The following RERE variants were observed in gnomAD, a reference collection of about 807,000 sequenced individuals.
The protein encoded by RERE is arginine-glutamic acid dipeptide repeats protein.
Under a neutral mutation model 146.1 loss-of-function variants are expected in RERE, and 40 were observed. That is an observed-to-expected ratio of 0.27 (90% CI 0.21 to 0.36). RERE has a LOEUF of 0.36. RERE is among the 10% of genes least tolerant of loss of function. The probability of loss-of-function intolerance (pLI) is 1.00; values close to 1 mark genes in which losing one functional copy is unlikely to be tolerated. For synonymous variants in RERE, 1,003 were observed against 866.0 expected (o/e 1.16, Z -2.78); for missense variants, 1,933 against 2,138.7 (o/e 0.90, Z 1.90).
chr1:8,426,274 G>A (rs1644011153), intron 11 of RERE, among the ~76,000 whole-genome samples: 1 of 151,920 alleles, frequency 6.6e-6, no homozygotes, highest in Non-Finnish European at 1.5e-5. Flanking sequence ...CTAACACAGT[G>A]AAACCCCGTC....
intron 1 of RERE, chr1:8,786,869 T>G (rs773487830): frequency 4.8e-5 from 48 of 999,970 alleles, no homozygotes; most frequent in Non-Finnish European, 6.6e-5. Context: ...TCTGTGAAAT[T>G]CCTTTGCTTT....
At chr1:8,611,372 C>G (rs1184741051) in intron 4 of RERE, among the ~76,000 whole-genome samples, 2 of 147,624 alleles carry the variant, frequency 1.4e-5, no homozygotes, top group Non-Finnish European at 3.0e-5. Context: ...GGTGTGGTAG[C>G]CCACACCTGT....
At chr1:8,724,576 G>A (rs894314014) in intron 1 of RERE, among the ~76,000 whole-genome samples, 4 of 152,138 alleles carry the variant, frequency 2.6e-5, no homozygotes, top group Non-Finnish European at 4.4e-5. Flanking sequence ...GCCGGGCGCG[G>A]TGGCTCACGC....
At chr1:8,772,572 C>T (rs924104054) in intron 1 of RERE, among the ~76,000 whole-genome samples, 1 of 151,938 alleles carries the variant, frequency 6.6e-6, no homozygotes, top group Admixed American at 6.6e-5. Flanking sequence ...ATCAGGAGTT[C>T]AAGACTAGCC....
At chr1:8,657,741 G>A (rs1638355782) in intron 1 of RERE, among the ~76,000 whole-genome samples, 1 of 152,178 alleles carries the variant, frequency 6.6e-6, no homozygotes, top group Non-Finnish European at 1.5e-5. Flanking sequence ...CAGCTACTTG[G>A]GAGGCTGAGG....
Position 8,358,605 on chromosome 1 carries a change from TCGGATCTCCCGCTCC to T in RERE, c.3915_3929del (p.Ile1314_Glu1318del), listed in dbSNP as rs761312593. On this transcript the variant is annotated inframe_deletion, in exon 20 of 23. Coordinates refer to ENST00000400908, the MANE Select transcript of RERE (RefSeq NM_001042681.2). ...GCTCCCGCTCTCGGATCTCCCGCTC[TCGGATCTCCCGCTCC>T]CGGAGCTCCCGCTCGCGGATGGTGG... 1.8e-5 allele frequency: 29 copies of T among 1,598,058 alleles called. No individual in the cohort carries two copies. Among genetic ancestry groups the T allele is most frequent in the East Asian group, 2.2e-5 (1 of 44,762 alleles).
chr1:8,485,683 AAGAC>A (rs1225571145), intron 10 of RERE, among the ~76,000 whole-genome samples: 2 of 152,216 alleles, frequency 1.3e-5, no homozygotes, highest in Non-Finnish European at 2.9e-5. Context: ...AAAGGGTCAA[AAGAC>A]AGAGAAAGAC....
At chr1:8,582,375 CT>C (rs953429620) in intron 4 of RERE, among the ~76,000 whole-genome samples, 136 of 136,326 alleles carry the variant, frequency 1.0e-3, no homozygotes, top group African/African-American at 1.1e-3. Context: ...ACTGTGCCTG[CT>C]TTTTTTTTTT....
chr1:8,537,751 C>T (rs1030509050), intron 7 of RERE, among the ~76,000 whole-genome samples: 1 of 152,116 alleles, frequency 6.6e-6, no homozygotes, highest in Non-Finnish European at 1.5e-5. Flanking sequence ...AACAGTCAGT[C>T]AGTTTCCCAC....
intron 4 of RERE, among the ~76,000 whole-genome samples, chr1:8,596,189 G>A (rs1272461379): frequency 6.6e-6 from 1 of 152,220 alleles, no homozygotes; most frequent in Non-Finnish European, 1.5e-5. Context: ...GGAAAAGCTT[G>A]CTGTCCCTGA....
chr1:8,784,745 A>G (rs184211568), intron 1 of RERE, among the ~76,000 whole-genome samples: 16 of 152,206 alleles, frequency 1.1e-4, no homozygotes, highest in African/African-American at 3.9e-4. Flanking sequence ...ACAAAACCCC[A>G]AAAACACTCA....
In RERE at chr1:8,358,388, CCG is replaced by C; in HGVS notation, c.4145_4146del (p.Ala1382GlyfsTer12). ...CTCATCTCGGGCCGCAGCTGGGGGC[CCG>C]CCAGGGCCAGTCTCTCCCTCTCCAA... ...NPLERERLAL[A>X]GPQLRPEMSY... On this transcript the variant is annotated frameshift_variant, in exon 20 of 23. Transcript: ENST00000400908. LOFTEE classifies it high-confidence loss of function. The C allele has an allele frequency of 6.2e-7, 1 of 1,607,902 alleles. No individual in the cohort carries two copies. The highest frequency in any genetic ancestry group is 8.5e-7 in the Non-Finnish European group (1 of 1,176,186).
intron 2 of RERE, among the ~76,000 whole-genome samples, chr1:8,635,587 T>C (rs751860985): frequency 2.0e-5 from 3 of 152,190 alleles, no homozygotes; most frequent in Non-Finnish European, 4.4e-5. Context: ...ATGCTCCTTT[T>C]GTAATCTGTA....
intron 12 of RERE, among the ~76,000 whole-genome samples, chr1:8,384,326 T>G (rs1351532618): frequency 6.6e-6 from 1 of 152,200 alleles, no homozygotes; most frequent in Non-Finnish European, 1.5e-5. Context: ...CAATGTCAGT[T>G]CTGTAATCTG....
chr1:8,769,172 G>C (rs1379180444), intron 1 of RERE, among the ~76,000 whole-genome samples: 1 of 152,144 alleles, frequency 6.6e-6, no homozygotes, highest in Admixed American at 6.6e-5. Context: ...TTTACCCAAT[G>C]ATTTGAGTAA....
At chr1:8,479,943 T>G (rs1206877087) in intron 10 of RERE, among the ~76,000 whole-genome samples, 1 of 152,146 alleles carries the variant, frequency 6.6e-6, no homozygotes, top group African/African-American at 2.4e-5. Context: ...TTATACATTT[T>G]AGAATTTTGT....
intron 1 of RERE, among the ~76,000 whole-genome samples, chr1:8,814,905 T>C (rs1306114835): frequency 6.6e-6 from 1 of 152,148 alleles, no homozygotes; most frequent in Non-Finnish European, 1.5e-5. Context: ...ACCAGTAACA[T>C]AATAATGCCT....
chr1:8,651,978 G>A (rs2124320758), intron 2 of RERE, among the ~76,000 whole-genome samples: 1 of 152,170 alleles, frequency 6.6e-6, no homozygotes, highest in African/African-American at 2.4e-5. Context: ...ACCTTGCCCA[G>A]CCCAGCACCC....
intron 2 of RERE, among the ~76,000 whole-genome samples, chr1:8,625,653 G>A (rs1239744239): frequency 6.6e-6 from 1 of 152,132 alleles, no homozygotes; most frequent in African/African-American, 2.4e-5. Context: ...CAGAATGAGT[G>A]TATCTTACAA....
Sources: allele counts gnomAD v4.1 joint callset (sites outside exome capture counted in the v4.1 genomes callset), GRCh38; gene constraint gnomAD v4.1.1; transcripts MANE v1.5; gene names NCBI Gene and HGNC (gene_info 2026-07-23, HGNC 2026-07-21).